The following ATP6V0D2 variants were observed in gnomAD, a reference collection of about 807,000 sequenced individuals.
ATP6V0D2 encodes the protein ATPase H+ transporting V0 subunit d2.
A neutral mutation model predicts 40.0 loss-of-function variants in ATP6V0D2; 40 were observed. The observed-to-expected ratio is 1.00, with a 90% CI of 0.78 to 1.30. The LOEUF is 1.30. Ranked by LOEUF, ATP6V0D2 falls within the 50% of genes most tolerant of loss-of-function variation. ATP6V0D2 has a pLI of 0.00. For missense variants in ATP6V0D2, 470 were observed against 423.1 expected (o/e 1.11, Z -0.97); for synonymous variants, 179 against 156.3 (o/e 1.15, Z -1.08).
At chr8:86,109,464 T>G (rs1818507120) in intron 1 of ATP6V0D2, among the ~76,000 whole-genome samples, 1 of 152,186 alleles carries the variant, frequency 6.6e-6, no homozygotes, top group African/African-American at 2.4e-5. Flanking sequence ...GAAGAGAGGT[T>G]CCTTCTATTC....
At chr8:86,143,043 G>T (rs1818999294) in intron 5 of ATP6V0D2, 89 bp downstream of exon 5, 2 of 895,138 alleles carry the variant, frequency 2.2e-6, no homozygotes, top group South Asian at 1.9e-5. Flanking sequence ...CCTTATCTTT[G>T]AATTTTTTTT....
intron 5 of ATP6V0D2, among the ~76,000 whole-genome samples, chr8:86,147,780 C>T (rs1255491361): frequency 3.3e-5 from 5 of 152,026 alleles, no homozygotes; most frequent in South Asian, 2.1e-4. Context: ...GGGACAGGAG[C>T]GCAGGGAGGA....
At chr8:86,120,602 C>T (rs1818656878) in intron 2 of ATP6V0D2, among the ~76,000 whole-genome samples, 1 of 152,030 alleles carries the variant, frequency 6.6e-6, no homozygotes, top group African/African-American at 2.4e-5. Flanking sequence ...TGCATTCTTC[C>T]ATTAGCCACA....
chr8:86,150,033 A>G (rs1819121835), intron 5 of ATP6V0D2, 79 bp from the exon 6 acceptor site: 11 of 1,304,596 alleles, frequency 8.4e-6, no homozygotes, highest in Non-Finnish European at 1.2e-5. Context: ...CATTTCAGAA[A>G]TGAATGTGTG....
Position 86,149,052 on chromosome 8 carries a change from G to GAAAAAAAAA in ATP6V0D2, c.640-1058_640-1057insAAAAAAAAA, listed in dbSNP as rs1166858589. On this transcript the variant is annotated intron_variant, in intron 5 of 7. Transcript: ENST00000285393. ...ACAGAGTGAGACCCAATCTCCAAAG[G>GAAAAAAAAA]AAGAAAAAAAAAAAAAAAAAAAACC... is the stretch of plus-strand genomic sequence containing the variant. 5.4e-4 allele frequency among the ~76,000 whole-genome samples: 37 copies of GAAAAAAAAA among 68,990 alleles called. 3 individuals carry two copies. The highest frequency in any genetic ancestry group is 1.4e-3 in the East Asian group (3 of 2,168). The allele number at this position is 68,990 out of a possible 152,430, so 45.3% of individuals were successfully genotyped here.
intron 7 of ATP6V0D2, among the ~76,000 whole-genome samples, chr8:86,151,763 T>C (rs1819157163): frequency 1.3e-5 from 2 of 151,350 alleles, no homozygotes; most frequent in South Asian, 4.2e-4. Context: ...TTCTTTTTTT[T>C]TTTTTTTTTT....
In ATP6V0D2 at chr8:86,153,233, C is replaced by G; in HGVS notation, c.*256C>G. ...CCTTACAGGTTAGTTTTAATTAACT[C>G]TATGGTATTTTTCTTATTCTTGTTT... On this transcript the variant is annotated 3_prime_UTR_variant, in exon 8 of 8. Coordinates refer to ENST00000285393, the MANE Select transcript of ATP6V0D2 (RefSeq NM_152565.1). 4.0e-6 allele frequency: 1 copy of G among 252,738 alleles called. No individual in the cohort carries two copies. The highest frequency in any genetic ancestry group is 1.5e-4 in the South Asian group (1 of 6,554). 15.7% of individuals were successfully genotyped at this position (252,738 alleles called of 1,614,324 possible). A position where few individuals can be genotyped will look rare whatever the true frequency, so the allele number is the denominator to read the frequency against.
At chr8:86,119,088 G>A (rs1818633355) in intron 2 of ATP6V0D2, among the ~76,000 whole-genome samples, 2 of 152,126 alleles carry the variant, frequency 1.3e-5, no homozygotes, top group Admixed American at 1.3e-4. Context: ...TGTACTTTGG[G>A]ATTGGGAAAC....
intron 5 of ATP6V0D2, among the ~76,000 whole-genome samples, chr8:86,145,385 AAAGAAAAG>A (rs1483115033): frequency 6.7e-6 from 1 of 150,194 alleles, no homozygotes; most frequent in African/African-American, 2.4e-5. Flanking sequence ...AAAGAAAAGA[AAAGAAAAG>A]AAAAGAAAAG....
intron 5 of ATP6V0D2, among the ~76,000 whole-genome samples, chr8:86,147,008 G>GAAA: frequency 6.6e-6 from 1 of 151,118 alleles, no homozygotes; most frequent in Non-Finnish European, 1.5e-5. Context: ...AACTTCATAT[G>GAAA]AAAAAAAAAG....
In ATP6V0D2 at chr8:86,150,561, G is replaced by A. The variant is rs7011724; in HGVS notation, c.816+273G>A. Among the ~76,000 whole-genome samples the A allele has an allele frequency of 0.14, 20,786 of 151,976 alleles. 1,618 individuals carry two copies. Among genetic ancestry groups the A allele is most frequent in the Admixed American group, 0.22 (3,342 of 15,266 alleles). Reference sequence around the variant, plus strand: ...CACTCCTTTTGAAGTGTTTGATAAAGCAAGTTCCCCCAGGAGACTGGTTCA... The same window carrying A: ...CACTCCTTTTGAAGTGTTTGATAAAACAAGTTCCCCCAGGAGACTGGTTCA... On this transcript the variant is annotated intron_variant, in intron 6 of 7. Transcript: ENST00000285393.
chr8:86,126,782 C>T lies in ATP6V0D2; in HGVS notation c.303-12675C>T, dbSNP rs540311529. On this transcript the variant is annotated intron_variant, in intron 2 of 7. Coordinates refer to ENST00000285393, the MANE Select transcript of ATP6V0D2 (RefSeq NM_152565.1). Reference sequence around the variant, plus strand: ...TTGGTAAGGAAGGGAAATTTTATACCTCTGGAGAAGGGTAGGAACCAAGAC... The same window carrying T: ...TTGGTAAGGAAGGGAAATTTTATACTTCTGGAGAAGGGTAGGAACCAAGAC... Among the ~76,000 whole-genome samples, 33 of 152,100 alleles carry T rather than the reference C, an allele frequency of 2.2e-4. 2 individuals are homozygous for T. In the South Asian group the frequency reaches 6.9e-3, roughly 32 times the overall value.
chr8:86,103,157 A>G (rs1818425296), intron 1 of ATP6V0D2, among the ~76,000 whole-genome samples: 1 of 151,720 alleles, frequency 6.6e-6, no homozygotes, highest in Admixed American at 6.6e-5. Context: ...AGCTCCTGTC[A>G]CCCAGGCTGG....
chr8:86,119,230 A>ATTTT (rs1349438411), intron 2 of ATP6V0D2, among the ~76,000 whole-genome samples: 1 of 100,344 alleles, frequency 1.0e-5, no homozygotes, highest in East Asian at 2.7e-4. Flanking sequence ...TAATCATAGG[A>ATTTT]TCTTTTTTTT....
At chr8:86,152,654 CT>C (rs1160724814) in intron 7 of ATP6V0D2, among the ~76,000 whole-genome samples, 161 bp from the exon 8 acceptor site, 2 of 152,232 alleles carry the variant, frequency 1.3e-5, no homozygotes, top group Non-Finnish European at 2.9e-5. Flanking sequence ...CTCTTTAGAA[CT>C]TTCTGAGTTG....
At position 86,151,537 on chromosome 8, in the gene ATP6V0D2, T is replaced by G; in HGVS notation, c.888T>G (p.Arg296=). 6.2e-7 allele frequency: 1 copy of G among 1,604,580 alleles called. No individual in the cohort carries two copies. Among genetic ancestry groups the G allele is most frequent in the South Asian group, 1.1e-5 (1 of 89,380 alleles). ...CATTGGAGGACGTGTTTTACGAGCG[T>G]GAGGTATGATATAAGTGGAAATACT... ...GKTLEDVFYE[R]EVQMNVLAFN... is the part of the protein sequence containing the mutation. The change falls in exon 7 of 8, where the codon CGT becomes CGG. Residue 296 remains arginine, a synonymous_variant. Transcript: ENST00000285393.
At chr8:86,143,095 T>C (rs552646580) in intron 5 of ATP6V0D2, 141 bp downstream of exon 5, 2 of 529,940 alleles carry the variant, frequency 3.8e-6, no homozygotes, top group South Asian at 3.3e-5. Context: ...ATTATACATA[T>C]GATTTGATAT....
intron 1 of ATP6V0D2, among the ~76,000 whole-genome samples, chr8:86,105,249 C>A (rs1484657411): frequency 1.3e-5 from 2 of 152,196 alleles, no homozygotes; most frequent in Non-Finnish European, 2.9e-5. Context: ...GCTGCAGTTA[C>A]AGGCTTAACT....
chr8:86,147,982 A>G (rs1282966094), intron 5 of ATP6V0D2, among the ~76,000 whole-genome samples: 1 of 152,144 alleles, frequency 6.6e-6, no homozygotes, highest in African/African-American at 2.4e-5. Flanking sequence ...TGCTTTCCCA[A>G]TGATTGAGCC....
Sources: allele counts gnomAD v4.1 joint callset (sites outside exome capture counted in the v4.1 genomes callset), GRCh38; gene constraint gnomAD v4.1.1; transcripts MANE v1.5; gene names NCBI Gene and HGNC (gene_info 2026-07-23, HGNC 2026-07-21).